The following FANK1 variants were observed in gnomAD, a reference collection of about 807,000 sequenced individuals.
FANK1 encodes the protein fibronectin type III and ankyrin repeat domains 1.
In FANK1, 44 loss-of-function variants were observed where a neutral mutation model predicts 45.3. The ratio of observed to expected loss-of-function variants is 0.97; its 90% CI spans 0.76 to 1.25. The LOEUF (loss-of-function observed/expected upper bound fraction) is 1.25. FANK1 is among the 50% of genes most tolerant of loss of function. The pLI is 0.00. For synonymous variants in FANK1, 149 were observed against 152.5 expected, an observed-to-expected ratio of 0.98 and a Z score of 0.17; for missense variants, 391 against 424.4, an observed-to-expected ratio of 0.92 and a Z score of 0.69.
In FANK1 at chr10:125,988,691, G is replaced by A. The variant is rs562623833; in HGVS notation, c.316+16G>A. 46 of 1,614,118 alleles carry A rather than the reference G, an allele frequency of 2.8e-5. No individual in the cohort carries two copies. Among genetic ancestry groups the A allele is most frequent in the South Asian group, 1.1e-4 (10 of 91,078 alleles). On this transcript the variant is annotated intron_variant, in intron 3 of 10. Coordinates refer to ENST00000368693, the MANE Select transcript of FANK1 (RefSeq NM_145235.5). ...TCTACAACCAGTGAGTATTCAGACC[G>A]TCCACACTCACCTCTCTCTAGATCA...
At chr10:125,940,825 G>C (rs775567604) in intron 1 of FANK1, among the ~76,000 whole-genome samples, 15 of 152,160 alleles carry the variant, frequency 9.9e-5, no homozygotes, top group Non-Finnish European at 2.2e-4. Flanking sequence ...AACGGAGAAT[G>C]GCGATGACTT....
At chr10:125,969,011 T>C (rs1950334262) in intron 1 of FANK1, among the ~76,000 whole-genome samples, 2 of 152,212 alleles carry the variant, frequency 1.3e-5, no homozygotes, top group South Asian at 2.1e-4. Flanking sequence ...ATAAGAACTT[T>C]CTTACAAAAA....
intron 3 of FANK1, chr10:125,994,623 A>G: frequency 2.0e-6 from 2 of 985,340 alleles, no homozygotes; most frequent in African/African-American, 1.7e-5. Context: ...ATTTAAGCTT[A>G]ATTGTGATAC....
At chr10:125,949,269 G>A (rs113699982) in intron 1 of FANK1, among the ~76,000 whole-genome samples, 1 of 150,034 alleles carries the variant, frequency 6.7e-6, no homozygotes, top group East Asian at 2.0e-4. Context: ...TTCTGGCCAG[G>A]GCAATTAGGC....
intron 1 of FANK1, among the ~76,000 whole-genome samples, chr10:125,934,689 G>C (rs543533732): frequency 7.6e-6 from 1 of 132,374 alleles, no homozygotes; most frequent in East Asian, 2.4e-4. Context: ...AGCCTAGCAT[G>C]CAGCAACTCA....
chr10:125,980,653 T>C (rs1213737873), intron 2 of FANK1: 5 of 291,248 alleles, frequency 1.7e-5, no homozygotes, highest in Non-Finnish European at 3.2e-5. Flanking sequence ...CAGGCTGTTG[T>C]GTTCACTGAC....
chr10:125,901,507 T>G (rs4121002), intron 1 of FANK1, among the ~76,000 whole-genome samples: 71,318 of 151,952 alleles, frequency 0.47, 17,269 homozygotes, highest in African/African-American at 0.56. Flanking sequence ...AGTCCTTACG[T>G]TGATCTAGCT....
At chr10:125,979,649 T>C (rs1951074983) in intron 1 of FANK1, among the ~76,000 whole-genome samples, 1 of 152,212 alleles carries the variant, frequency 6.6e-6, no homozygotes, top group African/African-American at 2.4e-5. Flanking sequence ...TGGCAATTTG[T>C]TTTTGCTCTT....
rs73368667 is a variant in FANK1, at chr10:125,973,952, T to C, written c.14-6209T>C. Among the ~76,000 whole-genome samples the C allele has an allele frequency of 4.8e-3, 731 of 152,360 alleles. 7 individuals are homozygous for C. Among genetic ancestry groups the C allele is most frequent in the African/African-American group, 0.016 (666 of 41,588 alleles). On this transcript the variant is annotated intron_variant, in intron 1 of 10. Coordinates refer to ENST00000368693, the MANE Select transcript of FANK1 (RefSeq NM_145235.5). ...ACCCATGTTTTCCACCCATCCATTT[T>C]GAATTGATCTATGTTGATGCAGGTG...
At chr10:126,002,855 T>G (rs1431545642) in intron 6 of FANK1, among the ~76,000 whole-genome samples, 2 of 151,648 alleles carry the variant, frequency 1.3e-5, no homozygotes, top group Admixed American at 1.3e-4. Flanking sequence ...AGAAAATGTT[T>G]CCTAAAAACA....
intron 6 of FANK1, among the ~76,000 whole-genome samples, chr10:126,002,763 CTTTTTTTTTT>C (rs375158618): frequency 2.5e-4 from 28 of 113,230 alleles, no homozygotes; most frequent in Non-Finnish European, 4.2e-4. Context: ...TTTGCCTCTC[CTTTTTTTTTT>C]TTTTTTTTTT....
chr10:126,003,137 T>A (rs1408691638), intron 6 of FANK1, among the ~76,000 whole-genome samples: 1 of 150,616 alleles, frequency 6.6e-6, no homozygotes, highest in Non-Finnish European at 1.5e-5. Context: ...TAGCAGTGAC[T>A]CTTTGAGGAG....
intron 1 of FANK1, among the ~76,000 whole-genome samples, chr10:125,909,840 T>C (rs77006219): frequency 1.3e-5 from 2 of 152,082 alleles, no homozygotes; most frequent in African/African-American, 4.8e-5. Context: ...CATTGTTTTT[T>C]AGTACTTTGT....
At chr10:125,986,564 G>A (rs1590175344) in intron 2 of FANK1, among the ~76,000 whole-genome samples, 1 of 151,634 alleles carries the variant, frequency 6.6e-6, no homozygotes, top group Non-Finnish European at 1.5e-5. Flanking sequence ...CTGACTCACC[G>A]CAGTGAGAGT....
chr10:125,900,390 A>G (rs543548117), intron 1 of FANK1, among the ~76,000 whole-genome samples: 77 of 150,808 alleles, frequency 5.1e-4, no homozygotes, highest in African/African-American at 1.8e-3. Context: ...ATAGTTCAAT[A>G]GTACTATCTC....
intron 1 of FANK1, among the ~76,000 whole-genome samples, chr10:125,928,118 G>A (rs1947495577): frequency 6.6e-6 from 1 of 152,156 alleles, no homozygotes; most frequent in Non-Finnish European, 1.5e-5. Flanking sequence ...AGTCCATAGA[G>A]TAAAGTGATA....
At chr10:125,910,040 T>G (rs1945865548) in intron 1 of FANK1, among the ~76,000 whole-genome samples, 1 of 148,122 alleles carries the variant, frequency 6.8e-6, no homozygotes, top group South Asian at 2.1e-4. Flanking sequence ...AGCACCAAGA[T>G]AAAAAAAAAA....
chr10:125,946,570 A>C (rs2134160403), intron 1 of FANK1, among the ~76,000 whole-genome samples: 1 of 151,646 alleles, frequency 6.6e-6, no homozygotes, highest in South Asian at 2.1e-4. Flanking sequence ...AAAGAATAAA[A>C]ATAAATGAGC....
intron 6 of FANK1, chr10:126,004,654 T>C: frequency 2.1e-6 from 1 of 471,806 alleles, no homozygotes; most frequent in Non-Finnish European, 3.9e-6. Context: ...TTCAGCACAG[T>C]GTTTCGAGGT....
Sources: gnomAD v4.1 joint callset for allele counts (sites outside exome capture counted in the v4.1 genomes callset) on GRCh38, gnomAD v4.1.1 for gene constraint, MANE v1.5 for transcripts, NCBI Gene and HGNC (gene_info 2026-07-23, HGNC 2026-07-21) for gene names.